NIPBL: variants seen among roughly 807,000 people sequenced by gnomAD.
NIPBL encodes the protein NIPBL cohesin loading factor.
A neutral mutation model predicts 321.8 loss-of-function variants in NIPBL; 19 were observed. The observed-to-expected ratio is 0.06, with a 90% CI of 0.04 to 0.09. The LOEUF is 0.09. Among genes scored for constraint, NIPBL ranks in the 10% least tolerant of loss-of-function variants. The pLI, the probability that NIPBL is intolerant of heterozygous loss-of-function variation, is 1.00. For missense variants in NIPBL, 2,210 were observed against 3,327.0 expected (o/e 0.66, Z 8.26); for synonymous variants, 1,106 against 1,114.1 (o/e 0.99, Z 0.14).
At chr5:37,049,011 G>C (rs1042068970) in intron 39 of NIPBL, 100 bp from the exon 40 acceptor site, 26 of 1,157,612 alleles carry the variant, frequency 2.2e-5, no homozygotes, top group South Asian at 5.0e-5. Flanking sequence ...AACACTAGCT[G>C]TAACGTTTTG....
chr5:36,928,292 CTTGCTTAAAAACATGA>C (rs1206002504), intron 1 of NIPBL, among the ~76,000 whole-genome samples: 1 of 152,140 alleles, frequency 6.6e-6, no homozygotes, highest in Non-Finnish European at 1.5e-5. Context: ...AGTTTGTAAG[CTTGCTTAAAAACATGA>C]TTGCTTTGCC....
intron 25 of NIPBL, among the ~76,000 whole-genome samples, chr5:37,019,650 G>A (rs919920542): frequency 2.6e-5 from 4 of 152,158 alleles, no homozygotes; most frequent in African/African-American, 4.8e-5. Flanking sequence ...AAGTCTCTCC[G>A]TAAGTGATCT....
chr5:36,921,043 C>G (rs902388633), intron 1 of NIPBL, among the ~76,000 whole-genome samples: 2 of 151,686 alleles, frequency 1.3e-5, no homozygotes, highest in African/African-American at 4.8e-5. Flanking sequence ...TTCAGATTAC[C>G]TTATTCTCTC....
At chr5:36,921,468 A>G (rs974554512) in intron 1 of NIPBL, among the ~76,000 whole-genome samples, 2 of 152,146 alleles carry the variant, frequency 1.3e-5, no homozygotes, top group Non-Finnish European at 2.9e-5. Context: ...CATTTCATGA[A>G]AATATTAATT....
intron 1 of NIPBL, among the ~76,000 whole-genome samples, chr5:36,902,681 C>T (rs1313282789): frequency 6.6e-6 from 1 of 151,858 alleles, no homozygotes; most frequent in African/African-American, 2.4e-5. Context: ...TGGTGTGATG[C>T]CTCTGGCTTT....
intron 32 of NIPBL, among the ~76,000 whole-genome samples, chr5:37,028,174 A>G (rs985131356): frequency 4.6e-5 from 7 of 151,958 alleles, no homozygotes; most frequent in Non-Finnish European, 8.8e-5. Flanking sequence ...TTATCTCCCT[A>G]TGAATTGTTA....
chr5:36,900,509 G>A (rs1373571073), intron 1 of NIPBL, among the ~76,000 whole-genome samples: 2 of 152,160 alleles, frequency 1.3e-5, no homozygotes, highest in Admixed American at 1.3e-4. Flanking sequence ...GATGAGAGAA[G>A]GAAGTCCCAT....
Position 36,976,071 on chromosome 5 carries a change from T to C in NIPBL, c.1164T>C (p.Asn388=), listed in dbSNP as rs768113851. 11 of 1,613,722 alleles carry C rather than the reference T, an allele frequency of 6.8e-6. No individual in the cohort carries two copies. Among genetic ancestry groups the C allele is most frequent in the Non-Finnish European group, 9.3e-6 (11 of 1,179,908 alleles). The change falls in exon 9 of 47, where the codon AAT becomes AAC. Residue 388 remains asparagine (N), a synonymous_variant. Coordinates refer to ENST00000282516, the MANE Select transcript of NIPBL (RefSeq NM_133433.4). ...SGVENSNVSE[N]DIPFNVQYPG... is the part of the protein sequence containing the mutation. ...TGGAAAATAGCAATGTTTCAGAAAA[T>C]GATATTCCTTTTAATGTGCAGTACC... is the stretch of plus-strand genomic sequence containing the variant.
At chr5:36,946,607 CAT>C (rs544111975) in intron 1 of NIPBL, among the ~76,000 whole-genome samples, 149 of 142,310 alleles carry the variant, frequency 1.0e-3, no homozygotes, top group African/African-American at 3.6e-3. Flanking sequence ...TATACACACA[CAT>C]ATATGTACTT....
At chr5:36,998,984 G>A (rs1746473194) in intron 11 of NIPBL, among the ~76,000 whole-genome samples, 1 of 152,022 alleles carries the variant, frequency 6.6e-6, no homozygotes, top group Non-Finnish European at 1.5e-5. Context: ...TGCTATCCAA[G>A]CCTGTGACTG....
At chr5:37,005,775 T>G (rs1274269058) in intron 16 of NIPBL, among the ~76,000 whole-genome samples, 1 of 152,160 alleles carries the variant, frequency 6.6e-6, no homozygotes, top group Non-Finnish European at 1.5e-5. Context: ...GTCAAGTTGC[T>G]GATGTGTAAA....
intron 32 of NIPBL, 72 bp downstream of exon 32, chr5:37,027,484 T>C: frequency 8.7e-7 from 1 of 1,146,608 alleles, no homozygotes; most frequent in Admixed American, 1.8e-5. Context: ...GTTTTTTTTT[T>C]TTTGGACTGT....
At chr5:36,920,533 TAA>T (rs1748850919) in intron 1 of NIPBL, among the ~76,000 whole-genome samples, 1 of 152,314 alleles carries the variant, frequency 6.6e-6, no homozygotes, top group Middle Eastern at 3.4e-3. Flanking sequence ...AAGAAAGCAC[TAA>T]TATAGAACAA....
At chr5:36,962,514 A>G (rs1459322504) in intron 6 of NIPBL, among the ~76,000 whole-genome samples, 1 of 152,220 alleles carries the variant, frequency 6.6e-6, no homozygotes, top group Non-Finnish European at 1.5e-5. Context: ...TTCAGTTATT[A>G]TATAACTAAG....
At chr5:36,919,968 G>A (rs1037358846) in intron 1 of NIPBL, among the ~76,000 whole-genome samples, 15 of 151,896 alleles carry the variant, frequency 9.9e-5, no homozygotes, top group African/African-American at 3.6e-4. Flanking sequence ...TTCTAAAATG[G>A]GTTGTAACAT....
intron 37 of NIPBL, among the ~76,000 whole-genome samples, 167 bp downstream of exon 37, chr5:37,045,764 TC>T (rs1752911876): frequency 6.6e-6 from 1 of 152,244 alleles, no homozygotes; most frequent in South Asian, 2.1e-4. Flanking sequence ...TGGCTGCTAA[TC>T]CATCAACTTT....
At chr5:36,991,480 A>G (rs1053835030) in intron 10 of NIPBL, among the ~76,000 whole-genome samples, 1 of 151,748 alleles carries the variant, frequency 6.6e-6, no homozygotes, top group Admixed American at 6.6e-5. Context: ...AGATTTAAAG[A>G]TATTACTGCC....
chr5:37,028,333 C>CTTTTTT (rs10676635), intron 32 of NIPBL, among the ~76,000 whole-genome samples: 37 of 102,534 alleles, frequency 3.6e-4, no homozygotes, highest in African/African-American at 1.3e-3. Context: ...TTCCATAATA[C>CTTTTTT]TTTTTTTTTT....
At chr5:37,060,776 T>A (rs1754580163) in intron 44 of NIPBL, 68 bp from the exon 45 acceptor site, 1 of 1,348,134 alleles carries the variant, frequency 7.4e-7, no homozygotes. Context: ...TTCCTACCTA[T>A]AATTGGATTT....
Sources: allele counts gnomAD v4.1 joint callset (sites outside exome capture counted in the v4.1 genomes callset), GRCh38; gene constraint gnomAD v4.1.1; transcripts MANE v1.5; gene names NCBI Gene and HGNC (gene_info 2026-07-23, HGNC 2026-07-21).